Variants in CWC22 observed in about 807,000 individuals in gnomAD.
CWC22 encodes pre-mRNA-splicing factor CWC22 homolog.
CWC22 carries 53 observed loss-of-function variants against 117.2 expected under a neutral mutation model. The ratio of observed to expected loss-of-function variants is 0.45; its 90% CI spans 0.36 to 0.57. The LOEUF (loss-of-function observed/expected upper bound fraction) is 0.57, where lower values mean the gene tolerates loss of function less well. Among genes scored for constraint, CWC22 ranks in the 20% least tolerant of loss-of-function variants. The pLI is 0.00. For synonymous variants in CWC22, 360 were observed against 355.6 expected (o/e 1.01, Z -0.14); for missense variants, 980 against 1,068.8 (o/e 0.92, Z 1.16).
chr2:179,958,351 G>C (rs73034084), intron 14 of CWC22, among the ~76,000 whole-genome samples: 128 of 79,194 alleles, frequency 1.6e-3, no homozygotes, highest in African/African-American at 5.0e-3. Context: ...AAAAAAAAAA[G>C]AATGAAGAAA....
intron 14 of CWC22, among the ~76,000 whole-genome samples, chr2:179,957,743 A>G (rs1686633379): frequency 6.6e-6 from 1 of 152,154 alleles, no homozygotes; most frequent in Non-Finnish European, 1.5e-5. Flanking sequence ...CCACATTTAA[A>G]GCAACGTGAG....
At chr2:179,971,666 G>A (rs1033217843) in intron 8 of CWC22, among the ~76,000 whole-genome samples, 9 of 152,012 alleles carry the variant, frequency 5.9e-5, no homozygotes, top group Admixed American at 3.9e-4. Flanking sequence ...TACTGGCCAC[G>A]TTCAAAAACT....
At chr2:180,000,471 C>T (rs758472391) in intron 1 of CWC22, among the ~76,000 whole-genome samples, 45 of 152,124 alleles carry the variant, frequency 3.0e-4, no homozygotes, top group Non-Finnish European at 4.6e-4. Context: ...CTCCAGACCC[C>T]AAAAGGGGGG....
intron 13 of CWC22, among the ~76,000 whole-genome samples, chr2:179,963,914 T>C (rs1686824856): frequency 6.6e-6 from 1 of 152,188 alleles, no homozygotes. Flanking sequence ...AATCAATAGG[T>C]TGATTCACAT....
intron 19 of CWC22, among the ~76,000 whole-genome samples, chr2:179,948,050 T>C (rs1471728512): frequency 2.6e-5 from 4 of 152,184 alleles, no homozygotes; most frequent in Non-Finnish European, 4.4e-5. Flanking sequence ...ACTATAGCAT[T>C]TCCACTTCCA....
chr2:179,964,950 A>C (rs1686850901), intron 12 of CWC22, among the ~76,000 whole-genome samples: 1 of 152,164 alleles, frequency 6.6e-6, no homozygotes. Flanking sequence ...AGAGTTATAA[A>C]CAATATCTTG....
chr2:179,965,925 T>C lies in CWC22; in HGVS notation c.1268A>G (p.Glu423Gly), dbSNP rs2105522741. The change falls in exon 12 of 20, where the codon GAA (glutamate) becomes GGA (glycine). Residue 423 changes from glutamate to glycine, a missense_variant. Around this residue, in one of 3 missense-constraint regions of CWC22, gnomAD observed 559 missense variants for 602.3 expected, o/e 0.93. Coordinates refer to ENST00000410053, the MANE Select transcript of CWC22 (RefSeq NM_020943.3). ...TTCCTCTTCTTCTTCCTCGTCCTCT[T>C]CACTACTCCCAGCATCCTGGTCTGT... ...SNTDQDAGSS[E>G]EDEEEEEEEG... The C allele has an allele frequency of 6.2e-7, 1 of 1,608,238 alleles. No individual in the cohort carries two copies. The highest frequency in any genetic ancestry group is 8.5e-7 in the Non-Finnish European group (1 of 1,174,806).
At chr2:179,993,261 A>G (rs1687615578) in intron 2 of CWC22, 54 bp downstream of exon 2, 3 of 1,229,294 alleles carry the variant, frequency 2.4e-6, no homozygotes, top group Admixed American at 2.0e-5. Flanking sequence ...ATATTTAAAG[A>G]ATAGGTAATT....
At position 179,954,229 on chromosome 2, in the gene CWC22, TA is replaced by T; in HGVS notation, c.1664del (p.Leu555TyrfsTer14). On this transcript the variant is annotated frameshift_variant, in exon 16 of 20. Coordinates refer to ENST00000410053, the MANE Select transcript of CWC22 (RefSeq NM_020943.3). LOFTEE classifies it high-confidence loss of function. Reference sequence around the variant, plus strand: ...CACTCCATGGAAGTGAATCAGTGTATAAAAGGTGAGCAAACATCTTAGCAAC... The same window carrying T: ...CACTCCATGGAAGTGAATCAGTGTATAAAGGTGAGCAAACATCTTAGCAAC... ...RNVAKMFAHL[L>X]YTDSLPWSVL... 1 of 1,611,808 alleles carries T rather than the reference TA, an allele frequency of 6.2e-7. No individual in the cohort carries two copies. Among genetic ancestry groups the T allele is most frequent in the South Asian group, 1.1e-5 (1 of 90,920 alleles).
At chr2:179,980,643 T>G (rs571275123) in intron 5 of CWC22, among the ~76,000 whole-genome samples, 2 of 151,840 alleles carry the variant, frequency 1.3e-5, no homozygotes, top group African/African-American at 4.8e-5. Context: ...GTCTCGAACT[T>G]TGGGAGGCCG....
intron 1 of CWC22, among the ~76,000 whole-genome samples, chr2:179,997,402 CCCCCTCCCTCA>C (rs1687733765): frequency 6.6e-6 from 1 of 151,992 alleles, no homozygotes; most frequent in African/African-American, 2.4e-5. Context: ...ACAGAGGCTA[CCCCCTCCCTCA>C]CCTGAGGATG....
At chr2:179,986,829 GT>G (rs746502132) in intron 3 of CWC22, 24 bp from the exon 4 acceptor site, 4 of 1,371,236 alleles carry the variant, frequency 2.9e-6, no homozygotes, top group Non-Finnish European at 4.0e-6. Context: ...AGAAAACCAA[GT>G]TGCAAATTAA....
At position 179,965,973 on chromosome 2, in the gene CWC22, T is replaced by C; in HGVS notation, c.1220A>G (p.Asp407Gly). The change falls in exon 12 of 20, where the codon GAT (aspartate) becomes GGT (glycine). Residue 407 changes from aspartate (D) to glycine (G), a missense_variant. Coordinates refer to ENST00000410053, the MANE Select transcript of CWC22 (RefSeq NM_020943.3). Reference protein sequence around the residue: ...KYKAIKKEILDEGDTDSNTDQ... With the variant: ...KYKAIKKEILGEGDTDSNTDQ... Reference sequence around the variant, plus strand: ...TGTGTTCGAGTCAGTATCTCCCTCATCAAGAATTTCTGTAAAGTACAAAGT... The same window carrying C: ...TGTGTTCGAGTCAGTATCTCCCTCACCAAGAATTTCTGTAAAGTACAAAGT... The C allele has an allele frequency of 6.2e-7, 1 of 1,610,084 alleles. No homozygotes were observed.
At chr2:179,995,854 T>G (rs1269553527) in intron 1 of CWC22, among the ~76,000 whole-genome samples, 1 of 152,190 alleles carries the variant, frequency 6.6e-6, no homozygotes, top group Non-Finnish European at 1.5e-5. Flanking sequence ...GCTGCAGCCA[T>G]TCTCATTTGA....
chr2:179,983,179 T>C (rs1849852), intron 4 of CWC22, among the ~76,000 whole-genome samples: 110,813 of 151,860 alleles, frequency 0.73, 40,836 homozygotes, highest in Middle Eastern at 0.8. Context: ...TGGGGGTTTG[T>C]TGTATAGATT....
rs190552621 is a variant in CWC22 at position 179,945,940 on chromosome 2, T to C, written c.2141-225A>G. Among the ~76,000 whole-genome samples the C allele has an allele frequency of 1.9e-3, 284 of 152,250 alleles. 3 individuals are homozygous for C. The highest frequency in any genetic ancestry group is 6.8e-3 in the Middle Eastern group (2 of 294). On this transcript the variant is annotated intron_variant, in intron 19 of 19. Coordinates refer to ENST00000410053, the MANE Select transcript of CWC22 (RefSeq NM_020943.3). The stretch of plus-strand genomic sequence containing the variant: ...TCTTGTTGCCCAGGCTGGAGTGCAG[T>C]GGCGCAATCTCGGCTCACTGCAACC...
At chr2:180,006,485 G>C (rs1349841424) in intron 1 of CWC22, among the ~76,000 whole-genome samples, 4 of 152,180 alleles carry the variant, frequency 2.6e-5, no homozygotes, top group African/African-American at 9.7e-5. Context: ...CATGAGAAGC[G>C]AAGTGTCTTC....
chr2:179,951,159 A>T (rs1686437569), intron 17 of CWC22, among the ~76,000 whole-genome samples: 1 of 152,118 alleles, frequency 6.6e-6, no homozygotes, highest in Non-Finnish European at 1.5e-5. Flanking sequence ...GGAGGTTTTT[A>T]AAAAACTTTT....
chr2:179,986,063 C>A (rs941930336), intron 4 of CWC22, among the ~76,000 whole-genome samples: 8 of 151,984 alleles, frequency 5.3e-5, no homozygotes, highest in Non-Finnish European at 8.8e-5. Flanking sequence ...AAATATTACC[C>A]CTAGGAGTCT....
Sources: gnomAD v4.1 joint callset for allele counts (sites outside exome capture counted in the v4.1 genomes callset) on GRCh38, gnomAD v4.1.1 for gene constraint, gnomAD v4.1.1 regional missense constraint, MANE v1.5 for transcripts, NCBI Gene and HGNC (gene_info 2026-07-23, HGNC 2026-07-21) for gene names.